LYG2: variants seen among roughly 807,000 people sequenced by gnomAD.
The protein encoded by LYG2 is lysozyme g-like protein 2.
In LYG2, 25 loss-of-function variants were observed where a neutral mutation model predicts 22.4. That is an observed-to-expected ratio of 1.12 (90% CI 0.81 to 1.56). LYG2 has a LOEUF of 1.56. LYG2 is among the 40% of genes most tolerant of loss of function. LYG2 has a pLI of 0.00. For missense variants in LYG2, 266 were observed against 269.5 expected (o/e 0.99, Z 0.09); for synonymous variants, 88 against 97.0 (o/e 0.91, Z 0.55).
chr2:99,249,761 C>CAAAAAAA (rs70940156), intron 3 of LYG2, among the ~76,000 whole-genome samples: 5 of 65,298 alleles, frequency 7.7e-5, no homozygotes, highest in Non-Finnish European at 1.1e-4. Context: ...AACTCTGTCT[C>CAAAAAAA]AAAAAAAAAA....
At chr2:99,256,119 G>GACAAAACC (rs1158862783), upstream of LYG2, among the ~76,000 whole-genome samples, 1 of 152,142 alleles carries the variant, frequency 6.6e-6, no homozygotes, top group Non-Finnish European at 1.5e-5. Context: ...GGAACAGGAA[G>GACAAAACC]ACAAAACCAC....
rs1448054099 is a variant in LYG2, at chr2:99,242,464, T to G, written c.539A>C (p.Lys180Thr). The G allele has an allele frequency of 1.2e-6, 2 of 1,611,382 alleles. No homozygotes were observed. The stretch of plus-strand genomic sequence containing the variant: ...GGTGGCAATCGCTTCAATTCCTGAC[T>G]TAAAAGCTGAGAGACCACCTGAAAT... ...QHLKGGLSAF[K>T]SGIEAIATPS... The change falls in exon 7 of 7, where the codon AAG becomes ACG. Residue 180 changes from lysine to threonine, a missense_variant. By Grantham distance (78) the Lys-to-Thr change is moderately conservative. Transcript: ENST00000333017.
intron 6 of LYG2, chr2:99,243,426 C>T (rs2105269381): frequency 1.3e-6 from 2 of 1,549,622 alleles, no homozygotes; most frequent in Middle Eastern, 1.7e-4. Context: ...TAACATTGTT[C>T]AGACAATTTG....
At chr2:99,251,271 T>A (rs1177646221) in intron 3 of LYG2, among the ~76,000 whole-genome samples, 7 of 152,078 alleles carry the variant, frequency 4.6e-5, no homozygotes, top group Non-Finnish European at 1.0e-4. Context: ...CTATAACAAA[T>A]TGAAAGATTA....
At chr2:99,245,111 CAAAAA>C in intron 5 of LYG2, 146 bp downstream of exon 5, 4 of 614,748 alleles carry the variant, frequency 6.5e-6, no homozygotes, top group Non-Finnish European at 6.8e-6. Context: ...AACTCCATCT[CAAAAA>C]AAAAAAAAAA....
At chr2:99,256,269 G>A (rs1018537974), upstream of LYG2, among the ~76,000 whole-genome samples, 1 of 152,132 alleles carries the variant, frequency 6.6e-6, no homozygotes, top group African/African-American at 2.4e-5. Flanking sequence ...GACGTCTCTG[G>A]CATGGCCTCT....
rs551673266 is a variant in LYG2, at chr2:99,244,245, CCCAAAGAG to C, written c.382-116_382-109del. 4.7e-5 allele frequency: 50 copies of C among 1,060,034 alleles called. No homozygotes were observed. The African/African-American group carries it at 7.2e-4, about 15-fold the overall frequency. 65.7% of individuals were successfully genotyped at this position (1,060,034 alleles called of 1,614,324 possible). On this transcript the variant is annotated intron_variant, in intron 5 of 6. Coordinates refer to ENST00000333017, the MANE Select transcript of LYG2 (RefSeq NM_175735.4). Reference sequence around the variant, plus strand: ...CAAGTCATAGATACCGGCCTTTATCCCCAAAGAGTCAATTCTATTGTTCTTTCTTTCAT... The same window carrying C: ...CAAGTCATAGATACCGGCCTTTATCCTCAATTCTATTGTTCTTTCTTTCAT...
At chr2:99,257,638 C>A (rs956002934), upstream of LYG2, among the ~76,000 whole-genome samples, 1 of 152,180 alleles carries the variant, frequency 6.6e-6, no homozygotes, top group Non-Finnish European at 1.5e-5. Flanking sequence ...TATATGCAAG[C>A]AATTTCTGTG....
intron 3 of LYG2, among the ~76,000 whole-genome samples, chr2:99,247,865 G>A (rs2094019015): frequency 6.6e-6 from 1 of 151,644 alleles, no homozygotes; most frequent in Non-Finnish European, 1.5e-5. Context: ...AATCTACAAT[G>A]AACTCAAACA....
At chr2:99,256,163 C>G (rs1466193976), upstream of LYG2, among the ~76,000 whole-genome samples, 2 of 152,200 alleles carry the variant, frequency 1.3e-5, no homozygotes, top group Non-Finnish European at 1.5e-5. Context: ...AATAAAACCA[C>G]CTCCACTCCC....
At chr2:99,246,596 T>C in intron 4 of LYG2, 84 bp downstream of exon 4, 1 of 1,497,028 alleles carries the variant, frequency 6.7e-7, no homozygotes, top group Non-Finnish European at 9.1e-7. Flanking sequence ...TGATTATACC[T>C]TTTCAAAATT....
intron 1 of LYG2, among the ~76,000 whole-genome samples, 78 bp downstream of exon 1, chr2:99,255,525 C>T (rs761749869): frequency 2.6e-5 from 4 of 152,052 alleles, no homozygotes; most frequent in Non-Finnish European, 5.9e-5. Context: ...TCTAAATTTG[C>T]GAATAAGAAA....
Position 99,245,340 on chromosome 2 carries a change from G to T in LYG2, c.303C>A (p.Ile101=). The T allele has an allele frequency of 6.2e-7, 1 of 1,613,190 alleles. No individual in the cohort carries two copies. Among genetic ancestry groups the T allele is most frequent in the Non-Finnish European group, 8.5e-7 (1 of 1,179,568 alleles). The change falls in exon 5 of 7, where the codon ATC becomes ATA. Residue 101 remains isoleucine (I), a synonymous_variant. Transcript: ENST00000333017. ...ATCCGCCATGGCTTTCCCTGGAGATGATGGCTGCGATGACAGCAGGGTCCA... is the reference window on the plus strand; with the variant it reads ...ATCCGCCATGGCTTTCCCTGGAGATTATGGCTGCGATGACAGCAGGGTCCA... The part of the protein sequence containing the change: ...HCVDPAVIAA[I]ISRESHGGSV...
At chr2:99,248,088 G>C (rs1384654338) in intron 3 of LYG2, among the ~76,000 whole-genome samples, 1 of 152,106 alleles carries the variant, frequency 6.6e-6, no homozygotes, top group African/African-American at 2.4e-5. Flanking sequence ...AACAACAGGT[G>C]CTGGAGAGGA....
rs1003777228 is a variant in LYG2 at position 99,242,561 on chromosome 2, C to T, written c.521-79G>A. On this transcript the variant is annotated intron_variant, in intron 6 of 6. Coordinates refer to ENST00000333017, the MANE Select transcript of LYG2 (RefSeq NM_175735.4). ...GCAATGAGCATTGCCAAGATGTTAG[C>T]TTTCCAGGCAAATCTTCCAAAGCAG... The T allele has an allele frequency of 1.8e-5, 17 of 952,414 alleles. No individual in the cohort carries two copies. In the African/African-American group the frequency reaches 2.7e-4, roughly 15 times the overall value. 59.0% of individuals were successfully genotyped at this position (952,414 alleles called of 1,614,324 possible).
At chr2:99,247,084 T>G (rs2094017318) in intron 3 of LYG2, among the ~76,000 whole-genome samples, 3 of 152,156 alleles carry the variant, frequency 2.0e-5, no homozygotes, top group African/African-American at 7.2e-5. Context: ...TAAATACATG[T>G]GCAGTCTTTT....
At chr2:99,242,668 CT>C (rs1474235386) in intron 6 of LYG2, among the ~76,000 whole-genome samples, 186 bp from the exon 7 acceptor site, 1 of 152,144 alleles carries the variant, frequency 6.6e-6, no homozygotes, top group African/African-American at 2.4e-5. Flanking sequence ...TTCCAGATTG[CT>C]TTCTTTCTCT....
chr2:99,258,713 C>A (rs1310155515), upstream of LYG2, among the ~76,000 whole-genome samples: 1 of 152,176 alleles, frequency 6.6e-6, no homozygotes, highest in East Asian at 1.9e-4. Context: ...GAAGGGGAGC[C>A]CTTCCATAAA....
chr2:99,245,478 A>G lies in LYG2; in HGVS notation c.185-20T>C. The G allele has an allele frequency of 1.3e-6, 2 of 1,541,830 alleles. No homozygotes were observed. Among genetic ancestry groups the G allele is most frequent in the East Asian group, 2.3e-5 (1 of 43,538 alleles). On this transcript the variant is annotated intron_variant, in intron 4 of 6. Transcript: ENST00000333017. The stretch of plus-strand genomic sequence containing the variant: ...GGATCCCTACGTCAATAGAAAAGAA[A>G]CTGTTTTTCCGGGCATGGTAGTGTG...
Sources: allele counts gnomAD v4.1 joint callset (sites outside exome capture counted in the v4.1 genomes callset), GRCh38; gene constraint gnomAD v4.1.1; transcripts MANE v1.5; gene names NCBI Gene and HGNC (gene_info 2026-07-23, HGNC 2026-07-21).